Variants in NRXN3 observed in about 807,000 individuals in gnomAD.
NRXN3 encodes neurexin III.
A neutral mutation model predicts 137.6 loss-of-function variants in NRXN3; 32 were observed. The ratio of observed to expected loss-of-function variants is 0.23; its 90% CI spans 0.18 to 0.31. NRXN3 has a LOEUF of 0.31. Among genes scored for constraint, NRXN3 ranks in the 10% least tolerant of loss-of-function variants. The pLI is 1.00. For synonymous variants in NRXN3, 798 were observed against 784.5 expected (o/e 1.02, Z -0.29); for missense variants, 1,574 against 2,062.5 (o/e 0.76, Z 4.59).
intron 7 of NRXN3, among the ~76,000 whole-genome samples, chr14:78,714,106 A>C (rs961916417): frequency 1.6e-4 from 25 of 152,200 alleles, no homozygotes; most frequent in African/African-American, 5.8e-4. Context: ...TTTCAGTTAA[A>C]ATGTGTCACA....
At chr14:78,583,581 G>T (rs1372379447) in intron 4 of NRXN3, among the ~76,000 whole-genome samples, 1 of 152,156 alleles carries the variant, frequency 6.6e-6, no homozygotes, top group Non-Finnish European at 1.5e-5. Flanking sequence ...GCATTGTTTT[G>T]TAATAGTAAA....
At chr14:78,458,665 A>G (rs1399117730) in intron 4 of NRXN3, among the ~76,000 whole-genome samples, 5 of 152,214 alleles carry the variant, frequency 3.3e-5, no homozygotes, top group African/African-American at 1.2e-4. Context: ...CAAGTTCTTA[A>G]TCCTACCAAA....
chr14:79,804,212 A>G (rs1238621754), intron 19 of NRXN3, among the ~76,000 whole-genome samples: 2 of 152,076 alleles, frequency 1.3e-5, no homozygotes, highest in East Asian at 3.9e-4. Flanking sequence ...TCTTATGCAC[A>G]TAGTAGGCCA....
chr14:79,109,165 T>C (rs939607390), intron 15 of NRXN3, among the ~76,000 whole-genome samples: 24 of 152,322 alleles, frequency 1.6e-4, no homozygotes, highest in African/African-American at 5.3e-4. Flanking sequence ...TTTTATGTTG[T>C]GTATTCAGAA....
At chr14:79,501,370 T>C (rs948981320) in intron 16 of NRXN3, among the ~76,000 whole-genome samples, 3 of 152,180 alleles carry the variant, frequency 2.0e-5, no homozygotes. Flanking sequence ...GTTTTTATTA[T>C]TAAGCGTACA....
chr14:78,652,800 T>C (rs2152636260), intron 6 of NRXN3, among the ~76,000 whole-genome samples: 1 of 152,346 alleles, frequency 6.6e-6, no homozygotes, highest in South Asian at 2.1e-4. Flanking sequence ...TGAGTACCTT[T>C]TTTGTGCTGT....
rs184286225 is a variant in NRXN3 at position 78,874,358 on chromosome 14, C to T, written c.2275+64014C>T. On this transcript the variant is annotated intron_variant, in intron 10 of 20. Transcript: ENST00000335750. ...TAGATTCTTCTTTCTTTTACATTGTCGTAAGTAATGTAATCAATGTGGAAT... is the reference window on the plus strand; with the variant it reads ...TAGATTCTTCTTTCTTTTACATTGTTGTAAGTAATGTAATCAATGTGGAAT... Among the ~76,000 whole-genome samples, 190 of 152,152 alleles carry T rather than the reference C, an allele frequency of 1.2e-3. 1 individual carries two copies. The highest frequency in any genetic ancestry group is 0.01 in the Middle Eastern group (3 of 294).
intron 15 of NRXN3, among the ~76,000 whole-genome samples, chr14:79,351,632 G>T (rs1196128223): frequency 1.3e-5 from 2 of 152,166 alleles, no homozygotes; most frequent in South Asian, 4.1e-4. Flanking sequence ...ATATACACAA[G>T]TAGCAAAATG....
At position 79,861,924 on chromosome 14, in the gene NRXN3, A is replaced by C; in HGVS notation, c.4676A>C (p.His1559Pro). 2 of 1,613,792 alleles carry C rather than the reference A, an allele frequency of 1.2e-6. No individual in the cohort carries two copies. The highest frequency in any genetic ancestry group is 1.6e-4 in the Middle Eastern group (1 of 6,062). The change falls in exon 21 of 21, where the codon CAC (histidine) becomes CCC (proline). Residue 1559 changes from histidine to proline, a missense_variant. His to Pro is a moderately conservative substitution (Grantham distance 77). Around this residue, in one of 5 missense-constraint regions of NRXN3, gnomAD observed 320 missense variants for 387.1 expected, o/e 0.83. Transcript: ENST00000335750. The surrounding 1 kb of genome is among the most constrained non-coding windows in gnomAD (Gnocchi z 5.4). ...AAGCAGCAGAGCTCGAAGAGCGGCC[A>C]CAAGAAACAGAAAAACAAGGACAGG... ...KEKQQSSKSG[H>P]KKQKNKDREY... is the part of the protein sequence containing the mutation.
At chr14:78,897,679 C>G (rs539894272) in intron 10 of NRXN3, among the ~76,000 whole-genome samples, 1 of 151,808 alleles carries the variant, frequency 6.6e-6, no homozygotes, top group Non-Finnish European at 1.5e-5. Context: ...TGGCCAGCAC[C>G]CAGTTCTCAA....
At chr14:78,580,202 A>G (rs2096979473) in intron 4 of NRXN3, among the ~76,000 whole-genome samples, 1 of 152,088 alleles carries the variant, frequency 6.6e-6, no homozygotes, top group Non-Finnish European at 1.5e-5. Context: ...CATTGGTACT[A>G]CTGATGAATA....
At chr14:78,938,079 G>A (rs1464066654) in intron 10 of NRXN3, among the ~76,000 whole-genome samples, 1 of 152,308 alleles carries the variant, frequency 6.6e-6, no homozygotes, top group South Asian at 2.1e-4. Flanking sequence ...TAATCTTCAT[G>A]GAATTAAATA....
Position 78,712,688 on chromosome 14 carries a change from G to A in NRXN3, c.1661-2068G>A, listed in dbSNP as rs59594186. Among the ~76,000 whole-genome samples, 74 of 152,172 alleles carry A rather than the reference G, an allele frequency of 4.9e-4. 1 individual carries two copies. The East Asian group carries it at 0.013, about 27-fold the overall frequency. Reference sequence around the variant, plus strand: ...AGGAATTCTCCTGCCTCAACCTCTCGAGTAGCTGGGATTACAGGTGCCTGC... The same window carrying A: ...AGGAATTCTCCTGCCTCAACCTCTCAAGTAGCTGGGATTACAGGTGCCTGC... On this transcript the variant is annotated intron_variant, in intron 7 of 20. Coordinates refer to ENST00000335750, the MANE Select transcript of NRXN3 (RefSeq NM_001330195.2).
chr14:79,137,009 C>A (rs1218489568), intron 15 of NRXN3, among the ~76,000 whole-genome samples: 1 of 152,160 alleles, frequency 6.6e-6, no homozygotes, highest in African/African-American at 2.4e-5. Flanking sequence ...ACTTTAATCA[C>A]CTTTTACCCC....
rs572731359 is a variant in NRXN3 at position 78,651,798 on chromosome 14, T to C, written c.1221+472T>C. 2.6e-5 allele frequency among the ~76,000 whole-genome samples: 4 copies of C among 152,310 alleles called. No individual in the cohort carries two copies. In the South Asian group the frequency reaches 8.3e-4, roughly 32 times the overall value. On this transcript the variant is annotated intron_variant, in intron 6 of 20. Transcript: ENST00000335750. The stretch of plus-strand genomic sequence containing the variant: ...GCATGGGAAAGACCTGACCCCATGA[T>C]TTAATTACCTCCCACTGGCTTCCTC...
intron 15 of NRXN3, among the ~76,000 whole-genome samples, chr14:79,459,480 A>C (rs1488962737): frequency 3.3e-5 from 5 of 152,024 alleles, no homozygotes; most frequent in Non-Finnish European, 7.4e-5. Context: ...ATACAGGGAG[A>C]AGATGATTGT....
At chr14:79,767,777 G>A (rs541305503) in intron 19 of NRXN3, among the ~76,000 whole-genome samples, 12 of 152,196 alleles carry the variant, frequency 7.9e-5, no homozygotes, top group Admixed American at 4.6e-4. Context: ...AGCCAAGATG[G>A]CTGAACAGGA....
intron 14 of NRXN3, among the ~76,000 whole-genome samples, chr14:78,981,802 C>A (rs1165896364): frequency 1.3e-5 from 2 of 152,088 alleles, no homozygotes; most frequent in Non-Finnish European, 2.9e-5. Flanking sequence ...TGGTTTTTCT[C>A]CCCCAAGACA....
intron 15 of NRXN3, among the ~76,000 whole-genome samples, chr14:79,370,558 T>C (rs2094069042): frequency 6.6e-6 from 1 of 152,066 alleles, no homozygotes; most frequent in African/African-American, 2.4e-5. Context: ...CCTCAGGTGA[T>C]CTGCCTGCCT....
Sources: allele counts gnomAD v4.1 joint callset (sites outside exome capture counted in the v4.1 genomes callset), GRCh38; gene constraint gnomAD v4.1.1; regional missense constraint gnomAD v4.1.1; non-coding constraint Gnocchi (gnomAD v3.1); transcripts MANE v1.5; gene names NCBI Gene and HGNC (gene_info 2026-07-23, HGNC 2026-07-21).